The following RBFOX1 variants were observed in gnomAD, a reference collection of about 807,000 sequenced individuals.
RBFOX1 encodes the protein RNA binding fox-1 homolog 1.
A neutral mutation model predicts 57.7 loss-of-function variants in RBFOX1; 8 were observed. The observed-to-expected ratio is 0.14, with a 90% CI of 0.08 to 0.25. The LOEUF (loss-of-function observed/expected upper bound fraction) is 0.25, where lower values mean the gene tolerates loss of function less well. Ranked by LOEUF, RBFOX1 falls within the 10% of genes least tolerant of loss-of-function variation. RBFOX1 has a pLI of 1.00. For missense variants in RBFOX1, 611 were observed against 548.5 expected (o/e 1.11, Z -1.14); for synonymous variants, 326 against 222.4 (o/e 1.47, Z -4.15).
chr16:7,214,386 C>T (rs895365588), intron 4 of RBFOX1, among the ~76,000 whole-genome samples: 5 of 152,128 alleles, frequency 3.3e-5, no homozygotes, highest in Non-Finnish European at 7.3e-5. Flanking sequence ...AAGCTAAACA[C>T]TTCTTTGTCC....
intron 1 of RBFOX1, among the ~76,000 whole-genome samples, chr16:5,330,462 G>C (rs1042877941): frequency 1.3e-5 from 2 of 152,020 alleles, no homozygotes; most frequent in African/African-American, 4.8e-5. Flanking sequence ...GAGTGCAATG[G>C]CATGACCTCG....
intron 1 of RBFOX1, among the ~76,000 whole-genome samples, chr16:6,203,512 A>G (rs531398138): frequency 1.3e-5 from 2 of 152,248 alleles, no homozygotes; most frequent in Admixed American, 6.5e-5. Context: ...TTGTTTCCAT[A>G]TATTGGCTAT....
At chr16:6,055,895 G>A (rs1596767852) in intron 1 of RBFOX1, among the ~76,000 whole-genome samples, 1 of 152,118 alleles carries the variant, frequency 6.6e-6, no homozygotes, top group Non-Finnish European at 1.5e-5. Flanking sequence ...GCATTTTACT[G>A]GATGTTTGAT....
intron 3 of RBFOX1, among the ~76,000 whole-genome samples, chr16:6,778,874 T>TC (rs1420241328): frequency 6.6e-6 from 1 of 151,954 alleles, no homozygotes; most frequent in Non-Finnish European, 1.5e-5. Context: ...GTTTTTTTTT[T>TC]ATTTTTAATT....
At chr16:7,504,727 A>ATATATATATT (rs1555526257) in intron 4 of RBFOX1, among the ~76,000 whole-genome samples, 4 of 5,764 alleles carry the variant, frequency 6.9e-4, no homozygotes, top group Non-Finnish European at 2.3e-3. Context: ...ATATATATAT[A>ATATATATATT]TATATATATA....
Position 5,690,235 on chromosome 16 carries a change from C to T in RBFOX1, c.318+91274C>T, listed in dbSNP as rs541711598. 2.6e-5 allele frequency among the ~76,000 whole-genome samples: 4 copies of T among 152,328 alleles called. No homozygotes were observed. The South Asian group carries it at 8.3e-4, about 32-fold the overall frequency. The stretch of plus-strand genomic sequence containing the variant: ...GAAGACAGTCATCCATGAGCTCCAC[C>T]TGAATGCATGTTATTGTCATCACAG... On this transcript the variant is annotated intron_variant, in intron 3 of 19. Coordinates refer to the RBFOX1 transcript ENST00000641259.
intron 4 of RBFOX1, among the ~76,000 whole-genome samples, chr16:5,992,743 G>A (rs773653638): frequency 1.1e-4 from 16 of 152,198 alleles, no homozygotes; most frequent in Non-Finnish European, 2.2e-4. Context: ...AGACCGGCCT[G>A]GCCAACATGG....
At chr16:5,803,875 C>T (rs1265985132) in intron 3 of RBFOX1, among the ~76,000 whole-genome samples, 2 of 152,126 alleles carry the variant, frequency 1.3e-5, no homozygotes, top group Non-Finnish European at 2.9e-5. Context: ...ATAATGCGCA[C>T]CAGTAATCAG....
In RBFOX1 at chr16:6,469,025, G is replaced by C. The variant is rs760283706; in HGVS notation, c.-64+151968G>C. Among the ~76,000 whole-genome samples the C allele has an allele frequency of 4.6e-5, 7 of 152,134 alleles. No individual in the cohort carries two copies. The East Asian group carries it at 1.4e-3, about 30-fold the overall frequency. The stretch of plus-strand genomic sequence containing the variant: ...ACCAGAAGCCCCAGGCATTGGAAGT[G>C]GTCAAGGCATTTTTTTCTTTGACCC... On this transcript the variant is annotated intron_variant, in intron 2 of 15. Coordinates refer to ENST00000550418, the MANE Select transcript of RBFOX1 (RefSeq NM_018723.4).
chr16:7,702,327 G>A (rs1398922722), intron 14 of RBFOX1, among the ~76,000 whole-genome samples: 5 of 152,150 alleles, frequency 3.3e-5, no homozygotes, highest in Non-Finnish European at 7.4e-5. Flanking sequence ...CCTTTGAAGT[G>A]AGCTTTTGTC....
chr16:6,378,295 G>A (rs2091428246), intron 2 of RBFOX1, among the ~76,000 whole-genome samples: 1 of 152,200 alleles, frequency 6.6e-6, no homozygotes. Flanking sequence ...CTCTCACGGA[G>A]GCTGGGGTTT....
chr16:6,736,653 C>A (rs1038674497), intron 3 of RBFOX1, among the ~76,000 whole-genome samples: 4 of 152,188 alleles, frequency 2.6e-5, no homozygotes, highest in Admixed American at 6.5e-5. Context: ...ATAATGACAT[C>A]TTTTCATCTG....
chr16:5,848,543 C>T (rs1031347284), intron 3 of RBFOX1, among the ~76,000 whole-genome samples: 2 of 152,164 alleles, frequency 1.3e-5, no homozygotes, highest in Non-Finnish European at 2.9e-5. Flanking sequence ...AAAGTTTATA[C>T]CCAGCACAAT....
intron 2 of RBFOX1, among the ~76,000 whole-genome samples, chr16:5,579,994 C>T (rs1035944356): frequency 2.0e-5 from 3 of 152,094 alleles, no homozygotes; most frequent in South Asian, 4.1e-4. Context: ...TGGTCTTGAA[C>T]CCCTGACCTC....
intron 4 of RBFOX1, among the ~76,000 whole-genome samples, chr16:7,237,527 A>T (rs144404675): frequency 4.2e-4 from 64 of 152,374 alleles, no homozygotes; most frequent in East Asian, 3.3e-3. Flanking sequence ...AGAATGAGAA[A>T]AGTGAAAAGC....
chr16:7,111,012 C>G (rs1276937788), intron 4 of RBFOX1, among the ~76,000 whole-genome samples: 6 of 152,096 alleles, frequency 3.9e-5, no homozygotes, highest in Non-Finnish European at 8.8e-5. Context: ...TTGTTTTTTT[C>G]TCCTAGAAGG....
chr16:7,061,244 G>A (rs977684935), intron 4 of RBFOX1, among the ~76,000 whole-genome samples: 1 of 152,282 alleles, frequency 6.6e-6, no homozygotes, highest in South Asian at 2.1e-4. Context: ...AAACTCATAA[G>A]TACATTTAAA....
At chr16:6,795,466 G>T (rs1254781448) in intron 3 of RBFOX1, among the ~76,000 whole-genome samples, 1 of 152,014 alleles carries the variant, frequency 6.6e-6, no homozygotes, top group Non-Finnish European at 1.5e-5. Flanking sequence ...AAATGTTGAT[G>T]CTTAAAGAGA....
intron 14 of RBFOX1, among the ~76,000 whole-genome samples, chr16:7,683,262 T>C (rs2075318783): frequency 6.6e-6 from 1 of 150,510 alleles, no homozygotes; most frequent in Non-Finnish European, 1.5e-5. Flanking sequence ...TGAGAAGTAA[T>C]ATGGCTGTAA....
Sources: allele counts gnomAD v4.1 joint callset (sites outside exome capture counted in the v4.1 genomes callset), GRCh38; gene constraint gnomAD v4.1.1; transcripts MANE v1.5; gene names NCBI Gene and HGNC (gene_info 2026-07-23, HGNC 2026-07-21).